NLK: variants seen among roughly 807,000 people sequenced by gnomAD.
NLK encodes the protein serine/threonine-protein kinase NLK.
Under a neutral mutation model 59.0 loss-of-function variants are expected in NLK, and 11 were observed. That is an observed-to-expected ratio of 0.19 (90% confidence interval 0.12 to 0.31). The LOEUF (loss-of-function observed/expected upper bound fraction) is 0.31. NLK is among the 10% of genes least tolerant of loss of function. The probability of loss-of-function intolerance (pLI) is 1.00; values close to 1 mark genes in which losing one functional copy is unlikely to be tolerated. For synonymous variants in NLK, 235 were observed against 235.9 expected (o/e 1.00, Z 0.03); for missense variants, 410 against 661.1 (o/e 0.62, Z 4.16).
chr17:28,198,306 C>T (rs946570599), downstream of NLK, among the ~76,000 whole-genome samples: 12 of 151,678 alleles, frequency 7.9e-5, no homozygotes, highest in African/African-American at 2.4e-4. Context: ...CAGCCGAGCA[C>T]GTATACTTTT....
chr17:28,071,703 G>T (rs374896508), intron 1 of NLK, among the ~76,000 whole-genome samples: 1 of 152,142 alleles, frequency 6.6e-6, no homozygotes, highest in South Asian at 2.1e-4. Context: ...ACTTGAGGGC[G>T]ATCCCTCTCA....
chr17:28,201,055 G>A (rs933844152), downstream of NLK, among the ~76,000 whole-genome samples: 7 of 152,264 alleles, frequency 4.6e-5, no homozygotes, highest in African/African-American at 1.7e-4. Flanking sequence ...TGACCTAGCT[G>A]TCTGTAATTC....
At chr17:28,189,429 T>C (rs1452098455) in intron 8 of NLK, among the ~76,000 whole-genome samples, 1 of 152,190 alleles carries the variant, frequency 6.6e-6, no homozygotes, top group Non-Finnish European at 1.5e-5. Context: ...GCATTTCTGT[T>C]TATAGCACAG....
intron 8 of NLK, among the ~76,000 whole-genome samples, chr17:28,187,786 A>ACCAC (rs1378641863): frequency 6.6e-6 from 1 of 152,202 alleles, no homozygotes; most frequent in Non-Finnish European, 1.5e-5. Flanking sequence ...ACACTTAATT[A>ACCAC]AATGAAATTT....
intron 1 of NLK, among the ~76,000 whole-genome samples, chr17:28,079,239 ATG>A (rs892983792): frequency 1.3e-5 from 2 of 152,172 alleles, no homozygotes; most frequent in African/African-American, 4.8e-5. Flanking sequence ...ATTTTGTTGT[ATG>A]TATATACCGT....
chr17:28,131,760 G>A (rs973626689), intron 2 of NLK, among the ~76,000 whole-genome samples: 4 of 152,030 alleles, frequency 2.6e-5, no homozygotes, highest in Non-Finnish European at 5.9e-5. Context: ...TTTTGATGGC[G>A]GAAGTTACAC....
intron 1 of NLK, among the ~76,000 whole-genome samples, chr17:28,113,113 T>C (rs1905597051): frequency 6.6e-6 from 1 of 152,168 alleles, no homozygotes; most frequent in African/African-American, 2.4e-5. Context: ...TGCTAGAAAA[T>C]TAAGCTGGGC....
intron 1 of NLK, among the ~76,000 whole-genome samples, chr17:28,049,756 G>A (rs1375774828): frequency 1.3e-5 from 2 of 152,122 alleles, no homozygotes; most frequent in African/African-American, 2.4e-5. Flanking sequence ...GCCGAGGAGC[G>A]GTTCACCTGA....
At chr17:28,145,512 G>A (rs545323940) in intron 3 of NLK, among the ~76,000 whole-genome samples, 1 of 152,226 alleles carries the variant, frequency 6.6e-6, no homozygotes, top group African/African-American at 2.4e-5. Context: ...CTTGGTGTAA[G>A]TCAAGGGCTT....
At chr17:28,189,470 G>T (rs906246332) in intron 8 of NLK, among the ~76,000 whole-genome samples, 1 of 152,166 alleles carries the variant, frequency 6.6e-6, no homozygotes, top group Non-Finnish European at 1.5e-5. Context: ...ACTGCACAGT[G>T]GTGTAAGTGT....
chr17:28,090,837 C>G (rs1222432339), intron 1 of NLK, among the ~76,000 whole-genome samples: 1 of 151,958 alleles, frequency 6.6e-6, no homozygotes, highest in African/African-American at 2.4e-5. Context: ...TGCTATAATC[C>G]TTATCTTTGT....
intron 1 of NLK, among the ~76,000 whole-genome samples, chr17:28,106,585 A>G (rs1156373501): frequency 6.6e-6 from 1 of 152,248 alleles, no homozygotes; most frequent in Non-Finnish European, 1.5e-5. Flanking sequence ...TAAGAGAATG[A>G]AATGGAAGTA....
At chr17:28,075,592 A>C (rs958909073) in intron 1 of NLK, among the ~76,000 whole-genome samples, 7 of 152,340 alleles carry the variant, frequency 4.6e-5, no homozygotes, top group Non-Finnish European at 1.0e-4. Flanking sequence ...CTTATTTTAC[A>C]AAATTGGGCA....
intron 1 of NLK, among the ~76,000 whole-genome samples, chr17:28,120,109 T>G (rs1456242170): frequency 6.6e-6 from 1 of 152,206 alleles, no homozygotes; most frequent in Non-Finnish European, 1.5e-5. Context: ...AGCTAGATAC[T>G]GAAGTAGTAT....
At chr17:28,065,325 A>C (rs1909791183) in intron 1 of NLK, among the ~76,000 whole-genome samples, 1 of 151,750 alleles carries the variant, frequency 6.6e-6, no homozygotes, top group East Asian at 1.9e-4. Context: ...ATGACAGGGG[A>C]TGAGGGAGAA....
chr17:28,110,768 T>C (rs1361504395), intron 1 of NLK, among the ~76,000 whole-genome samples: 2 of 152,186 alleles, frequency 1.3e-5, no homozygotes, highest in Non-Finnish European at 2.9e-5. Flanking sequence ...TGTGTTGATA[T>C]TCCCTGTTGA....
At chr17:28,108,795 TA>T (rs1221038863) in intron 1 of NLK, among the ~76,000 whole-genome samples, 1 of 152,216 alleles carries the variant, frequency 6.6e-6, no homozygotes, top group East Asian at 1.9e-4. Context: ...GATACCAATA[TA>T]ATATCTTTAG....
chr17:28,059,055 G>A (rs1048231939), intron 1 of NLK, among the ~76,000 whole-genome samples: 2 of 152,278 alleles, frequency 1.3e-5, no homozygotes, highest in Admixed American at 6.5e-5. Context: ...GAGGCCAGGA[G>A]GCAGAGGTTG....
At chr17:28,172,737 T>A in intron 7 of NLK, 119 bp downstream of exon 7, 2 of 436,112 alleles carry the variant, frequency 4.6e-6, no homozygotes, top group Non-Finnish European at 8.1e-6. Flanking sequence ...TTTTTTTTTT[T>A]AACATCAAGG....
Sources: allele counts gnomAD v4.1 joint callset (sites outside exome capture counted in the v4.1 genomes callset), GRCh38; gene constraint gnomAD v4.1.1; transcripts MANE v1.5; gene names NCBI Gene and HGNC (gene_info 2026-07-23, HGNC 2026-07-21).